Variants in SNRK observed in about 807,000 individuals in gnomAD.
The protein encoded by SNRK is SNF related kinase.
SNRK carries 3 observed loss-of-function variants against 48.2 expected under a neutral mutation model. The ratio of observed to expected loss-of-function variants is 0.06; its 90% CI spans 0.03 to 0.16. The LOEUF is 0.16. Ranked by LOEUF, SNRK falls within the 10% of genes least tolerant of loss-of-function variation. SNRK has a pLI of 1.00. For synonymous variants in SNRK, 376 were observed against 366.1 expected (o/e 1.03, Z -0.31); for missense variants, 627 against 976.0 (o/e 0.64, Z 4.76).
Position 43,336,205 on chromosome 3 carries a change from T to A in SNRK, c.731+3895T>A, listed in dbSNP as rs186356152. Among the ~76,000 whole-genome samples the A allele has an allele frequency of 2.6e-5, 4 of 151,736 alleles. No individual in the cohort carries two copies. The East Asian group carries it at 7.7e-4, about 29-fold the overall frequency. Reference sequence around the variant, plus strand: ...CTTCATTCTTTCTCTTTTTCTTTCTTTCTTCCCTCCCTCCCTTTCCTTCCT... The same window carrying A: ...CTTCATTCTTTCTCTTTTTCTTTCTATCTTCCCTCCCTCCCTTTCCTTCCT... On this transcript the variant is annotated intron_variant, in intron 4 of 6. Transcript: ENST00000296088.
At chr3:43,343,714 G>C (rs2091254836) in intron 6 of SNRK, among the ~76,000 whole-genome samples, 1 of 152,080 alleles carries the variant, frequency 6.6e-6, no homozygotes, top group African/African-American at 2.4e-5. Flanking sequence ...GTGTCTGTTG[G>C]CATGGTCAGG....
At chr3:43,324,337 G>A (rs748348641) in intron 3 of SNRK, among the ~76,000 whole-genome samples, 80 of 152,060 alleles carry the variant, frequency 5.3e-4, no homozygotes, top group Admixed American at 2.1e-3. Flanking sequence ...GTGAAACCCC[G>A]TCTCTAATAA....
chr3:43,328,180 C>A (rs575926857), intron 3 of SNRK, among the ~76,000 whole-genome samples: 3 of 151,840 alleles, frequency 2.0e-5, no homozygotes, highest in African/African-American at 7.3e-5. Context: ...TAATAAGGTC[C>A]CCTGTACATT....
intron 1 of SNRK, among the ~76,000 whole-genome samples, chr3:43,299,408 C>T (rs1016771813): frequency 2.0e-5 from 3 of 152,098 alleles, no homozygotes; most frequent in Non-Finnish European, 4.4e-5. Flanking sequence ...GAGCTCCTGA[C>T]CTCATGATCC....
chr3:43,309,073 A>G (rs1233760926), intron 3 of SNRK, among the ~76,000 whole-genome samples: 1 of 152,324 alleles, frequency 6.6e-6, no homozygotes, highest in Middle Eastern at 3.4e-3. Flanking sequence ...GAGCCTGAAG[A>G]TATGATTGAA....
chr3:43,293,313 A>G (rs913335942), intron 1 of SNRK, among the ~76,000 whole-genome samples: 2 of 152,148 alleles, frequency 1.3e-5, no homozygotes, highest in African/African-American at 4.8e-5. Context: ...TTCATTGAAT[A>G]TGCCTTGTTT....
At chr3:43,341,433 G>A (rs928077277) in intron 5 of SNRK, among the ~76,000 whole-genome samples, 10 of 152,222 alleles carry the variant, frequency 6.6e-5, no homozygotes, top group Non-Finnish European at 1.5e-4. Context: ...TTACAGGTGT[G>A]AGCCACTGTG....
intron 1 of SNRK, chr3:43,289,849 A>G (rs1414871267): frequency 6.6e-6 from 1 of 152,594 alleles, no homozygotes; most frequent in Non-Finnish European, 1.5e-5. Flanking sequence ...TATGCCCCCT[A>G]GTCTGCTGCC....
At chr3:43,314,504 C>T (rs1208698091) in intron 3 of SNRK, among the ~76,000 whole-genome samples, 1 of 152,126 alleles carries the variant, frequency 6.6e-6, no homozygotes, top group Non-Finnish European at 1.5e-5. Flanking sequence ...AAGAGTTGTA[C>T]TTAAGACTGT....
At chr3:43,293,130 G>T (rs913849278) in intron 1 of SNRK, among the ~76,000 whole-genome samples, 1 of 151,892 alleles carries the variant, frequency 6.6e-6, no homozygotes, top group African/African-American at 2.4e-5. Context: ...TTTGAGACAG[G>T]CTCTTGCTTT....
chr3:43,317,300 T>C lies in SNRK; in HGVS notation c.589+13508T>C, dbSNP rs17075553. Among the ~76,000 whole-genome samples, 1,262 of 152,234 alleles carry C rather than the reference T, an allele frequency of 8.3e-3. 15 individuals are homozygous for C. Among genetic ancestry groups the C allele is most frequent in the African/African-American group, 0.029 (1,209 of 41,500 alleles). ...TTTCTTTCCTTTGTTCTACCACAGT[T>C]CTCTGATGTGGAAAGTTCCAGATGA... On this transcript the variant is annotated intron_variant, in intron 3 of 6. Coordinates refer to ENST00000296088, the MANE Select transcript of SNRK (RefSeq NM_017719.5).
intron 4 of SNRK, among the ~76,000 whole-genome samples, chr3:43,337,299 C>T (rs1463754000): frequency 6.6e-6 from 1 of 151,904 alleles, no homozygotes; most frequent in Non-Finnish European, 1.5e-5. Context: ...GTCTCGAACT[C>T]CTTAGCTCAG....
At chr3:43,300,921 C>T (rs1320192176) in intron 2 of SNRK, among the ~76,000 whole-genome samples, 2 of 152,246 alleles carry the variant, frequency 1.3e-5, no homozygotes, top group Non-Finnish European at 2.9e-5. Context: ...TTTTAAAGCA[C>T]GGACTTTGGT....
In SNRK at chr3:43,347,310, T is replaced by C. The variant is rs896807140; in HGVS notation, c.1080-29T>C. 17 of 1,523,386 alleles carry C rather than the reference T, an allele frequency of 1.1e-5. No homozygotes were observed. The highest frequency in any genetic ancestry group is 1.5e-5 in the Non-Finnish European group (17 of 1,137,186). 94.4% of individuals were successfully genotyped at this position (1,523,386 alleles called of 1,614,324 possible). ...TCATCTGCATAATGATTATATGGCT[T>C]TTTTCCCCCCAATCTATCTGTTACA... On this transcript the variant is annotated intron_variant, in intron 6 of 6. Transcript: ENST00000296088. This position sits in a 1 kb window ranked among gnomAD's most constrained non-coding sequence, Gnocchi z 5.4.
At chr3:43,295,501 A>G (rs898597489) in intron 1 of SNRK, among the ~76,000 whole-genome samples, 4 of 152,218 alleles carry the variant, frequency 2.6e-5, no homozygotes, top group African/African-American at 7.2e-5. Flanking sequence ...TGGAAAGAAC[A>G]TTTCTAATAA....
At chr3:43,345,682 G>A (rs1200398042) in intron 6 of SNRK, among the ~76,000 whole-genome samples, 4 of 152,188 alleles carry the variant, frequency 2.6e-5, no homozygotes, top group Non-Finnish European at 5.9e-5. Context: ...AGTCCCAGAT[G>A]CCATCTCAAG....
intron 3 of SNRK, among the ~76,000 whole-genome samples, chr3:43,323,913 C>T (rs1031541649): frequency 3.3e-5 from 5 of 152,106 alleles, no homozygotes; most frequent in African/African-American, 4.8e-5. Context: ...CTGTGGTTGT[C>T]AGGGGCTGGG....
chr3:43,348,062 C>T lies in SNRK; in HGVS notation c.1803C>T (p.Asn601=), dbSNP rs1483220264. Reference sequence around the variant, plus strand: ...TGGACAAGGCCAGCCCCAGTGAGAACAATGCTGGTGGGGGCAGTCCCTCCA... The same window carrying T: ...TGGACAAGGCCAGCCCCAGTGAGAATAATGCTGGTGGGGGCAGTCCCTCCA... ...GGVDKASPSE[N]NAGGGSPSSG... Residue 601 remains asparagine (N), a synonymous_variant, in exon 7 of 7, where the codon AAC becomes AAT. Coordinates refer to ENST00000296088, the MANE Select transcript of SNRK (RefSeq NM_017719.5). The T allele has an allele frequency of 6.2e-7, 1 of 1,603,406 alleles. No individual in the cohort carries two copies. Among genetic ancestry groups the T allele is most frequent in the South Asian group, 1.1e-5 (1 of 89,478 alleles).
chr3:43,325,387 G>A (rs951193038), intron 3 of SNRK, among the ~76,000 whole-genome samples: 1 of 152,038 alleles, frequency 6.6e-6, no homozygotes, highest in African/African-American at 2.4e-5. Context: ...AGATGGTCTC[G>A]ATCTCCTGAC....
Sources: gnomAD v4.1 joint callset for allele counts (sites outside exome capture counted in the v4.1 genomes callset) on GRCh38, gnomAD v4.1.1 for gene constraint, Gnocchi (gnomAD v3.1) non-coding constraint, MANE v1.5 for transcripts, NCBI Gene and HGNC (gene_info 2026-07-23, HGNC 2026-07-21) for gene names.